DECR1: variants seen among roughly 807,000 people sequenced by gnomAD.
DECR1 encodes the protein 2,4-dienoyl-CoA reductase [(3E)-enoyl-CoA-producing], mitochondrial.
Under a neutral mutation model 38.8 loss-of-function variants are expected in DECR1, and 44 were observed. That is an observed-to-expected ratio of 1.13 (90% CI 0.89 to 1.46). DECR1 has a LOEUF of 1.46. Among genes scored for constraint, DECR1 ranks in the 40% most tolerant of loss-of-function variants. The pLI, the probability that DECR1 is intolerant of heterozygous loss-of-function variation, is 0.00. For missense variants in DECR1, 428 were observed against 405.5 expected, an observed-to-expected ratio of 1.06 and a Z score of -0.48; for synonymous variants, 148 against 135.2, an observed-to-expected ratio of 1.09 and a Z score of -0.66.
Position 90,052,188 on chromosome 8 carries a change from T to A in DECR1, c.*291T>A, listed in dbSNP as rs1814116510. 1 of 302,180 alleles carries A rather than the reference T, an allele frequency of 3.3e-6. No individual in the cohort carries two copies. The highest frequency in any genetic ancestry group is 4.8e-5 in the Admixed American group (1 of 21,006). 18.7% of individuals were successfully genotyped at this position (302,180 alleles called of 1,614,324 possible). A position where few individuals can be genotyped will look rare whatever the true frequency, so the allele number is the denominator to read the frequency against. On this transcript the variant is annotated 3_prime_UTR_variant, in exon 10 of 10. Coordinates refer to ENST00000220764, the MANE Select transcript of DECR1 (RefSeq NM_001359.2). ...TACTTAGAAGTGCAGAGAGAACAGA[T>A]CTTTGTGACTTGGAAAATCAGGAGA...
At chr8:90,029,632 GTT>G (rs1465551781) in intron 5 of DECR1, among the ~76,000 whole-genome samples, 3 of 152,160 alleles carry the variant, frequency 2.0e-5, no homozygotes, top group Non-Finnish European at 4.4e-5. Context: ...TGTTTTTACA[GTT>G]TAATTAAATT....
intron 1 of DECR1, among the ~76,000 whole-genome samples, chr8:90,009,232 C>T (rs896922697): frequency 6.6e-6 from 1 of 152,174 alleles, no homozygotes; most frequent in Non-Finnish European, 1.5e-5. Flanking sequence ...CATCCATAAG[C>T]ATGCCCCCTG....
intron 6 of DECR1, among the ~76,000 whole-genome samples, chr8:90,038,774 G>A (rs1253399847): frequency 6.6e-6 from 1 of 152,140 alleles, no homozygotes; most frequent in Non-Finnish European, 1.5e-5. Context: ...AGTAGTCCCA[G>A]AGCATTTTTA....
At chr8:90,042,839 T>C (rs1282418830) in intron 7 of DECR1, 39 bp downstream of exon 7, 1 of 1,517,024 alleles carries the variant, frequency 6.6e-7, no homozygotes, top group African/African-American at 1.4e-5. Flanking sequence ...TGTGAATGAT[T>C]AAATAATGAA....
Position 90,018,898 on chromosome 8 carries a change from T to C in DECR1, c.273-11T>C. The C allele has an allele frequency of 6.3e-7, 1 of 1,580,110 alleles. No homozygotes were observed. The stretch of plus-strand genomic sequence containing the variant: ...ATATAATATGAAGTCATACAAGGTG[T>C]TTATTTCTAGGAAGATGGATGTTTT... On this transcript the variant is annotated splice_polypyrimidine_tract_variant and intron_variant, in intron 2 of 9. Transcript: ENST00000220764.
At chr8:90,016,835 T>C (rs1293126130) in intron 1 of DECR1, 2 of 341,038 alleles carry the variant, frequency 5.9e-6, no homozygotes, top group Admixed American at 9.3e-5. Flanking sequence ...ATTTATTTTA[T>C]TGTCCCCATT....
intron 6 of DECR1, among the ~76,000 whole-genome samples, chr8:90,040,484 T>A (rs147664431): frequency 0.01 from 1,567 of 152,324 alleles, 12 homozygotes; most frequent in Admixed American, 0.016. Flanking sequence ...AGCGCATTTT[T>A]AAAATTATAC....
At chr8:90,014,712 C>T (rs1294786403) in intron 1 of DECR1, among the ~76,000 whole-genome samples, 1 of 152,144 alleles carries the variant, frequency 6.6e-6, no homozygotes, top group Non-Finnish European at 1.5e-5. Context: ...AGTCCCACAT[C>T]AAATCCCCTA....
At chr8:90,051,537 A>G in intron 8 of DECR1, 140 bp from the exon 9 acceptor site, 1 of 625,980 alleles carries the variant, frequency 1.6e-6, no homozygotes, top group Non-Finnish European at 2.8e-6. Flanking sequence ...AGGTTTAATC[A>G]TGAGTTTTAT....
At chr8:90,003,413 C>T (rs1423212872) in intron 1 of DECR1, among the ~76,000 whole-genome samples, 1 of 152,132 alleles carries the variant, frequency 6.6e-6, no homozygotes, top group Non-Finnish European at 1.5e-5. Context: ...TTATGTCTGG[C>T]CCTGTGCTAT....
intron 1 of DECR1, among the ~76,000 whole-genome samples, chr8:90,010,213 T>C (rs2130013984): frequency 6.6e-6 from 1 of 152,316 alleles, no homozygotes; most frequent in East Asian, 1.9e-4. Context: ...ATCTACACAG[T>C]CATGGAGCAT....
intron 8 of DECR1, among the ~76,000 whole-genome samples, chr8:90,046,740 T>C (rs1344472037): frequency 6.6e-6 from 1 of 152,146 alleles, no homozygotes; most frequent in Admixed American, 6.5e-5. Context: ...AATTGTCAGA[T>C]TGACTAAAGT....
chr8:90,049,080 G>A (rs1340576989), intron 8 of DECR1, among the ~76,000 whole-genome samples: 1 of 148,442 alleles, frequency 6.7e-6, no homozygotes, highest in Non-Finnish European at 1.5e-5. Context: ...CACAGCCAGG[G>A]GGCAAAATCT....
intron 6 of DECR1, among the ~76,000 whole-genome samples, chr8:90,038,106 A>G (rs1316205207): frequency 1.3e-5 from 2 of 152,186 alleles, no homozygotes; most frequent in Non-Finnish European, 2.9e-5. Flanking sequence ...CGTCCTAGGG[A>G]TATGATAGTG....
At chr8:90,026,671 G>A (rs1274079597) in intron 5 of DECR1, among the ~76,000 whole-genome samples, 5 of 151,642 alleles carry the variant, frequency 3.3e-5, no homozygotes, top group Admixed American at 1.3e-4. Flanking sequence ...TTCCAAAAAC[G>A]AGCTCCTGGA....
rs1329162130 is a variant in DECR1 at position 90,016,077 on chromosome 8, G to A, written c.70-1047G>A. Among the ~76,000 whole-genome samples the A allele has an allele frequency of 2.6e-5, 4 of 152,308 alleles. No homozygotes were observed. In the East Asian group the frequency reaches 7.7e-4, roughly 29 times the overall value. On this transcript the variant is annotated intron_variant, in intron 1 of 9. Coordinates refer to ENST00000220764, the MANE Select transcript of DECR1 (RefSeq NM_001359.2). The stretch of plus-strand genomic sequence containing the variant: ...AATGGCAGTGATGTTCGCATGTAAT[G>A]TGAGTACAAGCTGTTAACATATAAA...
At chr8:90,025,075 A>G (rs1427078156) in intron 5 of DECR1, among the ~76,000 whole-genome samples, 13 of 151,954 alleles carry the variant, frequency 8.6e-5, no homozygotes, top group South Asian at 8.3e-4. Flanking sequence ...TGTTCCATTG[A>G]TCTATATCTC....
In DECR1 at chr8:90,036,906, G is replaced by A. The variant is rs1490610418; in HGVS notation, c.631G>A (p.Ala211Thr). 1 of 1,613,208 alleles carries A rather than the reference G, an allele frequency of 6.2e-7. No individual in the cohort carries two copies. Among genetic ancestry groups the A allele is most frequent in the Non-Finnish European group, 8.5e-7 (1 of 1,179,634 alleles). Residue 211 changes from alanine to threonine, a missense_variant, in exon 6 of 10, where the codon GCT (alanine) becomes ACT (threonine). By Grantham distance (58) the Ala-to-Thr change is moderately conservative. Transcript: ENST00000220764. ...TGGTTCAGGTTTTGTAGTACCAAGT[G>A]CTTCTGCCAAAGCAGGTGTGGAAGC... ...ETGSGFVVPS[A>T]SAKAGVEAMS...
At chr8:90,036,816 C>G (rs2130127015) in intron 5 of DECR1, 25 bp from the exon 6 acceptor site, 1 of 1,465,538 alleles carries the variant, frequency 6.8e-7, no homozygotes, top group East Asian at 2.3e-5. Context: ...TATTGCTAAT[C>G]AACTGTATCC....
Sources: allele counts gnomAD v4.1 joint callset (sites outside exome capture counted in the v4.1 genomes callset), GRCh38; gene constraint gnomAD v4.1.1; transcripts MANE v1.5; gene names NCBI Gene and HGNC (gene_info 2026-07-23, HGNC 2026-07-21).